NOL4: variants seen among roughly 807,000 people sequenced by gnomAD.
NOL4 encodes the protein cancer/testis antigen 125.
NOL4 carries 17 observed loss-of-function variants against 75.9 expected under a neutral mutation model. The ratio of observed to expected loss-of-function variants is 0.22; its 90% CI spans 0.15 to 0.34. The LOEUF (loss-of-function observed/expected upper bound fraction) is 0.34. Ranked by LOEUF, NOL4 falls within the 10% of genes least tolerant of loss-of-function variation. The pLI, the probability that NOL4 is intolerant of heterozygous loss-of-function variation, is 1.00. For synonymous variants in NOL4, 292 were observed against 289.9 expected (o/e 1.01, Z -0.07); for missense variants, 614 against 793.5 (o/e 0.77, Z 2.72).
chr18:34,219,196 A>C (rs947752797), intron 1 of NOL4, among the ~76,000 whole-genome samples: 2 of 152,234 alleles, frequency 1.3e-5, no homozygotes, highest in African/African-American at 4.8e-5. Flanking sequence ...TATTGGAATA[A>C]ATATAAGAAA....
intron 1 of NOL4, chr18:34,222,562 G>T: frequency 1.6e-6 from 1 of 609,496 alleles, no homozygotes; most frequent in Non-Finnish European, 2.1e-6. Context: ...CTATCGATCA[G>T]ACTCGTCTGC....
rs558236155 is a variant in NOL4 at position 33,967,090 on chromosome 18, C to T, written c.1057-8672G>A. On this transcript the variant is annotated intron_variant, in intron 6 of 10. Transcript: ENST00000261592. The stretch of plus-strand genomic sequence containing the variant: ...GATTTCAAACTACACTACAAGGATA[C>T]GATAACGAAAACAGGATGAAACTGG... Among the ~76,000 whole-genome samples, 13 of 152,136 alleles carry T rather than the reference C, an allele frequency of 8.5e-5. No homozygotes were observed. In the East Asian group the frequency reaches 1.9e-3, roughly 23 times the overall value.
At chr18:34,217,607 G>A (rs770045535) in intron 1 of NOL4, among the ~76,000 whole-genome samples, 1 of 151,974 alleles carries the variant, frequency 6.6e-6, no homozygotes, top group Admixed American at 6.6e-5. Context: ...GCTCCGTGTT[G>A]CAATGTGATT....
intron 1 of NOL4, among the ~76,000 whole-genome samples, chr18:34,206,114 A>C (rs1219174815): frequency 6.6e-6 from 1 of 152,078 alleles, no homozygotes; most frequent in Non-Finnish European, 1.5e-5. Context: ...ATTTGGATGA[A>C]TGTTATTTAA....
intron 9 of NOL4, among the ~76,000 whole-genome samples, 186 bp downstream of exon 9, chr18:33,942,879 T>G (rs1345895624): frequency 6.6e-6 from 1 of 151,956 alleles, no homozygotes; most frequent in African/African-American, 2.4e-5. Context: ...AACATTTTGT[T>G]CTTTGACCTT....
chr18:33,991,214 T>C (rs755612437), intron 6 of NOL4, among the ~76,000 whole-genome samples: 1 of 152,044 alleles, frequency 6.6e-6, no homozygotes, highest in African/African-American at 2.4e-5. Flanking sequence ...TCTCTATCAG[T>C]CTGACTCTAC....
intron 1 of NOL4, among the ~76,000 whole-genome samples, chr18:34,141,257 C>T (rs1434607429): frequency 7.2e-5 from 11 of 152,110 alleles, no homozygotes; most frequent in Admixed American, 1.3e-4. Context: ...GGCCATACTG[C>T]CCAAGGTAAT....
chr18:34,152,930 C>A (rs1771109397), intron 1 of NOL4, among the ~76,000 whole-genome samples: 1 of 151,582 alleles, frequency 6.6e-6, no homozygotes, highest in Non-Finnish European at 1.5e-5. Context: ...GCAATTTTTC[C>A]CCAAATCACA....
intron 5 of NOL4, among the ~76,000 whole-genome samples, chr18:34,071,470 G>C (rs1195070945): frequency 1.2e-5 from 1 of 82,494 alleles, no homozygotes; most frequent in Non-Finnish European, 2.8e-5. Context: ...CACACACACA[G>C]ATGATCCCTG....
At chr18:34,212,396 A>G (rs2036573803) in intron 1 of NOL4, among the ~76,000 whole-genome samples, 1 of 152,194 alleles carries the variant, frequency 6.6e-6, no homozygotes. Flanking sequence ...CTAAACCACA[A>G]ATAATCTTGG....
intron 6 of NOL4, among the ~76,000 whole-genome samples, chr18:33,982,585 G>C (rs1252517732): frequency 2.6e-5 from 4 of 151,982 alleles, no homozygotes; most frequent in African/African-American, 9.7e-5. Context: ...GTACCACAGG[G>C]AGAAATAGAT....
intron 10 of NOL4, among the ~76,000 whole-genome samples, chr18:33,865,307 A>T: frequency 6.6e-6 from 1 of 152,124 alleles, no homozygotes; most frequent in East Asian, 1.9e-4. Context: ...GTTTAAAATC[A>T]TCTCTCGATT....
intron 1 of NOL4, among the ~76,000 whole-genome samples, chr18:34,150,907 A>G (rs1420968885): frequency 6.6e-6 from 1 of 151,796 alleles, no homozygotes; most frequent in African/African-American, 2.4e-5. Context: ...AACAATAGGA[A>G]AACAAACAAA....
At chr18:34,069,114 T>C (rs931775934) in intron 5 of NOL4, among the ~76,000 whole-genome samples, 3 of 152,142 alleles carry the variant, frequency 2.0e-5, no homozygotes, top group Non-Finnish European at 4.4e-5. Flanking sequence ...AAAATAACCA[T>C]TATTGATGTG....
At chr18:33,957,561 C>T (rs768532664) in intron 7 of NOL4, 44 bp from the exon 8 acceptor site, 4 of 1,463,906 alleles carry the variant, frequency 2.7e-6, no homozygotes, top group Non-Finnish European at 3.8e-6. Context: ...TGGAGGGCTG[C>T]TCTCTTCTGT....
At chr18:34,037,748 A>G (rs2075972684) in intron 5 of NOL4, among the ~76,000 whole-genome samples, 1 of 152,194 alleles carries the variant, frequency 6.6e-6, no homozygotes, top group Non-Finnish European at 1.5e-5. Flanking sequence ...CTCACCGTAT[A>G]TAAAAATCAA....
chr18:33,861,290 G>A lies in NOL4; in HGVS notation c.1724-8255C>T, dbSNP rs886500585. Among the ~76,000 whole-genome samples, 3 of 152,136 alleles carry A rather than the reference G, an allele frequency of 2.0e-5. No individual in the cohort carries two copies. The South Asian group carries it at 6.2e-4, about 32-fold the overall frequency. Reference sequence around the variant, plus strand: ...GGACTCTTTTTGGTTGGTAAGCTATGGATTATTGCCACAATTTCAACTCCT... The same window carrying A: ...GGACTCTTTTTGGTTGGTAAGCTATAGATTATTGCCACAATTTCAACTCCT... On this transcript the variant is annotated intron_variant, in intron 10 of 10. Coordinates refer to ENST00000261592, the MANE Select transcript of NOL4 (RefSeq NM_003787.5).
At chr18:33,948,110 T>C (rs1030643876) in intron 8 of NOL4, among the ~76,000 whole-genome samples, 3 of 151,938 alleles carry the variant, frequency 2.0e-5, no homozygotes, top group Non-Finnish European at 4.4e-5. Context: ...TGTCAGGTTA[T>C]GGTCATGGGT....
At chr18:34,095,717 C>T (rs980533905) in intron 4 of NOL4, among the ~76,000 whole-genome samples, 3 of 151,994 alleles carry the variant, frequency 2.0e-5, no homozygotes, top group Non-Finnish European at 2.9e-5. Context: ...ATATACAATA[C>T]ATTCTACAGT....
Sources: gnomAD v4.1 joint callset for allele counts (sites outside exome capture counted in the v4.1 genomes callset) on GRCh38, gnomAD v4.1.1 for gene constraint, MANE v1.5 for transcripts, NCBI Gene and HGNC (gene_info 2026-07-23, HGNC 2026-07-21) for gene names.